The following RBFOX1 variants were observed in gnomAD, a reference collection of about 807,000 sequenced individuals.
The protein encoded by RBFOX1 is RNA binding fox-1 homolog 1, also known as RNA binding protein fox-1 homolog 1.
In RBFOX1, 8 loss-of-function variants were observed where a neutral mutation model predicts 57.7. The observed-to-expected ratio is 0.14, with a 90% CI of 0.08 to 0.25. The LOEUF (loss-of-function observed/expected upper bound fraction) is 0.25. Among genes scored for constraint, RBFOX1 ranks in the 10% least tolerant of loss-of-function variants. RBFOX1 has a pLI of 1.00. For missense variants in RBFOX1, 611 were observed against 548.5 expected (o/e 1.11, Z -1.14); for synonymous variants, 326 against 222.4 (o/e 1.47, Z -4.15).
At chr16:5,501,215 G>A (rs913058353) in intron 2 of RBFOX1, among the ~76,000 whole-genome samples, 4 of 150,102 alleles carry the variant, frequency 2.7e-5, no homozygotes, top group African/African-American at 9.9e-5. Context: ...CTACTAGGGT[G>A]GCCGAGACAG....
chr16:7,531,470 C>G (rs1014391196), intron 5 of RBFOX1, among the ~76,000 whole-genome samples: 1 of 152,064 alleles, frequency 6.6e-6, no homozygotes, highest in South Asian at 2.1e-4. Flanking sequence ...ATGAGAAAAC[C>G]AGAACATAGA....
At chr16:6,371,836 GA>G (rs2090467682) in intron 2 of RBFOX1, among the ~76,000 whole-genome samples, 2 of 152,134 alleles carry the variant, frequency 1.3e-5, no homozygotes, top group South Asian at 4.1e-4. Flanking sequence ...TTCCCAACAG[GA>G]TACATTATCT....
At chr16:7,449,569 C>G (rs570765586) in intron 4 of RBFOX1, among the ~76,000 whole-genome samples, 1 of 152,074 alleles carries the variant, frequency 6.6e-6, no homozygotes, top group Non-Finnish European at 1.5e-5. Flanking sequence ...TTGTTTAGGA[C>G]CATCTCTTTA....
At chr16:6,817,433 C>A (rs1024281869) in intron 3 of RBFOX1, among the ~76,000 whole-genome samples, 2 of 151,388 alleles carry the variant, frequency 1.3e-5, no homozygotes, top group East Asian at 1.9e-4. Context: ...GTGGCTCATG[C>A]CTGTAATCCC....
intron 4 of RBFOX1, among the ~76,000 whole-genome samples, chr16:7,206,541 TTGC>T (rs1199525550): frequency 6.6e-6 from 1 of 151,572 alleles, no homozygotes; most frequent in East Asian, 1.9e-4. Flanking sequence ...CAAAAATGAG[TTGC>T]TGCAATACCA....
At chr16:6,768,226 A>T (rs1303779528) in intron 3 of RBFOX1, among the ~76,000 whole-genome samples, 2 of 152,004 alleles carry the variant, frequency 1.3e-5, no homozygotes, top group Non-Finnish European at 2.9e-5. Context: ...AAAACAAAAG[A>T]AACAAGGACC....
At chr16:7,451,789 A>G (rs2098863742) in intron 4 of RBFOX1, among the ~76,000 whole-genome samples, 2 of 150,958 alleles carry the variant, frequency 1.3e-5, no homozygotes, top group Admixed American at 1.3e-4. Flanking sequence ...TGTCAGCTTC[A>G]GCTGAGACCA....
At chr16:6,368,306 CCCCAAA>C (rs2089959307) in intron 2 of RBFOX1, among the ~76,000 whole-genome samples, 1 of 152,178 alleles carries the variant, frequency 6.6e-6, no homozygotes, top group Non-Finnish European at 1.5e-5. Context: ...GCTCAGCCTG[CCCCAAA>C]CCCCAGGAAT....
chr16:7,331,970 G>A (rs1246106083), intron 4 of RBFOX1, among the ~76,000 whole-genome samples: 1 of 152,120 alleles, frequency 6.6e-6, no homozygotes, highest in African/African-American at 2.4e-5. Flanking sequence ...GTGCTTGTTA[G>A]CTATGCCTTG....
chr16:6,999,212 A>AATTT (rs2092557706), intron 3 of RBFOX1, among the ~76,000 whole-genome samples: 1 of 117,692 alleles, frequency 8.5e-6, no homozygotes, highest in African/African-American at 2.9e-5. Flanking sequence ...TTTTATTTTT[A>AATTT]TTTATTTTTT....
chr16:5,777,252 G>A (rs1567527850), intron 3 of RBFOX1, among the ~76,000 whole-genome samples: 1 of 152,136 alleles, frequency 6.6e-6, no homozygotes, highest in Admixed American at 6.5e-5. Flanking sequence ...CTTGGATCAT[G>A]GCCCCTTCCT....
chr16:6,324,933 G>T lies in RBFOX1; in HGVS notation c.-64+7876G>T, dbSNP rs545170684. Among the ~76,000 whole-genome samples, 34 of 152,302 alleles carry T rather than the reference G, an allele frequency of 2.2e-4. No homozygotes were observed. In the South Asian group the frequency reaches 7.0e-3, roughly 32 times the overall value. On this transcript the variant is annotated intron_variant, in intron 2 of 15. Transcript: ENST00000550418. ...GAAATTAGCCCATTTTCTCTTGACA[G>T]GAGAGTGTACTATGTAGCTAAATTA...
intron 10 of RBFOX1, among the ~76,000 whole-genome samples, chr16:7,613,320 G>T (rs2057881746): frequency 6.6e-6 from 1 of 152,296 alleles, no homozygotes; most frequent in African/African-American, 2.4e-5. Flanking sequence ...CATTTGAAAG[G>T]TGGTCAGGTC....
At position 6,789,966 on chromosome 16, in the gene RBFOX1, G is replaced by T. The variant is rs139241045; in HGVS notation, c.-16+135316G>T. ...CTAACTTATTGATTTCTGGTCTTCC[G>T]TAACTTACTGGTTTCTTACGTTTAT... On this transcript the variant is annotated intron_variant, in intron 3 of 15. Transcript: ENST00000550418. Among the ~76,000 whole-genome samples, 154 of 151,242 alleles carry T rather than the reference G, an allele frequency of 1.0e-3. 1 individual carries two copies. In the East Asian group the frequency reaches 0.025, roughly 24 times the overall value.
At chr16:6,993,809 T>G (rs2091874052) in intron 3 of RBFOX1, among the ~76,000 whole-genome samples, 1 of 152,188 alleles carries the variant, frequency 6.6e-6, no homozygotes, top group Non-Finnish European at 1.5e-5. Context: ...TATTGCTGCA[T>G]TTGATAGTAT....
At chr16:5,435,353 G>C (rs765688226) in intron 1 of RBFOX1, among the ~76,000 whole-genome samples, 1 of 152,198 alleles carries the variant, frequency 6.6e-6, no homozygotes, top group Non-Finnish European at 1.5e-5. Context: ...TGTGGGGTGT[G>C]TGTGTGTTGG....
intron 3 of RBFOX1, among the ~76,000 whole-genome samples, chr16:6,655,524 C>G (rs1459865213): frequency 1.3e-5 from 2 of 152,012 alleles, no homozygotes; most frequent in African/African-American, 4.8e-5. Context: ...TCCCCTCACC[C>G]ATTTATCTTC....
chr16:7,393,208 T>C (rs1010562515), intron 4 of RBFOX1, among the ~76,000 whole-genome samples: 2 of 152,120 alleles, frequency 1.3e-5, no homozygotes, highest in African/African-American at 2.4e-5. Context: ...TTGCATATAG[T>C]CAATGGTTCT....
At chr16:7,523,845 G>T (rs895934787) in intron 5 of RBFOX1, among the ~76,000 whole-genome samples, 1 of 152,184 alleles carries the variant, frequency 6.6e-6, no homozygotes, top group Non-Finnish European at 1.5e-5. Flanking sequence ...CCAGCAGAAC[G>T]TGGTCTATGA....
Sources: allele counts gnomAD v4.1 joint callset (sites outside exome capture counted in the v4.1 genomes callset), GRCh38; gene constraint gnomAD v4.1.1; transcripts MANE v1.5; gene names NCBI Gene and HGNC (gene_info 2026-07-23, HGNC 2026-07-21).